Variants in SLC25A26 observed in about 807,000 individuals in gnomAD.
The protein encoded by SLC25A26 is solute carrier family 25 member 26, also known as mitochondrial S-adenosylmethionine carrier protein.
Under a neutral mutation model 37.8 loss-of-function variants are expected in SLC25A26, and 36 were observed. The observed-to-expected ratio is 0.95, with a 90% CI of 0.73 to 1.26. SLC25A26 has a LOEUF of 1.26. Among genes scored for constraint, SLC25A26 ranks in the 50% most tolerant of loss-of-function variants. The pLI, the probability that SLC25A26 is intolerant of heterozygous loss-of-function variation, is 0.00. For missense variants in SLC25A26, 390 were observed against 331.1 expected, an observed-to-expected ratio of 1.18 and a Z score of -1.38; for synonymous variants, 129 against 122.5, an observed-to-expected ratio of 1.05 and a Z score of -0.35.
rs74341206 is a variant in SLC25A26, at chr3:66,338,463, T to G, written c.454-7901T>G. The stretch of plus-strand genomic sequence containing the variant: ...TTGTTTGGTTTTCTCAGTCTTTTGA[T>G]TTCTGCCATTTTAGTGGATAACAGC... On this transcript the variant is annotated intron_variant, in intron 5 of 9. Transcript: ENST00000354883. 3.6e-3 allele frequency among the ~76,000 whole-genome samples: 553 copies of G among 152,094 alleles called. 3 individuals are homozygous for G. The highest frequency in any genetic ancestry group is 0.012 in the African/African-American group (505 of 41,550).
At chr3:66,358,852 A>G (rs1267025537) in intron 6 of SLC25A26, among the ~76,000 whole-genome samples, 1 of 152,230 alleles carries the variant, frequency 6.6e-6, no homozygotes, top group Admixed American at 6.5e-5. Flanking sequence ...AGAGAATTAC[A>G]TGAGCTGATG....
intron 1 of SLC25A26, among the ~76,000 whole-genome samples, chr3:66,195,334 C>T (rs2071027632): frequency 6.6e-6 from 1 of 152,232 alleles, no homozygotes; most frequent in Non-Finnish European, 1.5e-5. Flanking sequence ...CATGCACAGA[C>T]TATTCCAGGT....
At chr3:66,351,977 A>G (rs996139029) in intron 6 of SLC25A26, among the ~76,000 whole-genome samples, 1 of 152,116 alleles carries the variant, frequency 6.6e-6, no homozygotes. Context: ...GGTCAGGCAC[A>G]GTGGCTCATG....
chr3:66,352,726 A>G (rs1294832764), intron 6 of SLC25A26, among the ~76,000 whole-genome samples: 1 of 151,904 alleles, frequency 6.6e-6, no homozygotes, highest in East Asian at 1.9e-4. Context: ...GACTGACACA[A>G]CTGACCCCAT....
chr3:66,240,513 C>G (rs922164459), intron 2 of SLC25A26, among the ~76,000 whole-genome samples: 2 of 152,050 alleles, frequency 1.3e-5, no homozygotes, highest in African/African-American at 4.8e-5. Flanking sequence ...GTCTTGAACT[C>G]CTGAGCTTAA....
intron 5 of SLC25A26, among the ~76,000 whole-genome samples, chr3:66,288,921 G>T (rs2074608032): frequency 6.6e-6 from 1 of 152,094 alleles, no homozygotes; most frequent in South Asian, 2.1e-4. Flanking sequence ...CACAATGGTT[G>T]AACTAATTTA....
chr3:66,347,867 A>T (rs2076361981), intron 6 of SLC25A26, among the ~76,000 whole-genome samples: 1 of 152,188 alleles, frequency 6.6e-6, no homozygotes, highest in South Asian at 2.1e-4. Flanking sequence ...CAGCAAACTA[A>T]TGCAGGAACA....
chr3:66,259,891 C>T (rs2073454031), intron 3 of SLC25A26, among the ~76,000 whole-genome samples: 1 of 152,192 alleles, frequency 6.6e-6, no homozygotes, highest in East Asian at 1.9e-4. Context: ...TCCAGTCTTA[C>T]TTGTCATTAC....
intron 1 of SLC25A26, among the ~76,000 whole-genome samples, chr3:66,228,070 CGT>C (rs2106932784): frequency 6.6e-6 from 1 of 152,236 alleles, no homozygotes; most frequent in Non-Finnish European, 1.5e-5. Context: ...TTGGCATTTA[CGT>C]CAGAGTGAGC....
At chr3:66,217,973 C>G (rs2071386540), upstream of SLC25A26, among the ~76,000 whole-genome samples, 1 of 152,234 alleles carries the variant, frequency 6.6e-6, no homozygotes. Flanking sequence ...TCATTGCAAA[C>G]TATTGTTTTG....
At chr3:66,352,434 TGTTTTTTG>T (rs1360958861) in intron 6 of SLC25A26, among the ~76,000 whole-genome samples, 7 of 135,702 alleles carry the variant, frequency 5.2e-5, no homozygotes, top group African/African-American at 8.5e-5. Flanking sequence ...TTTTGTTTTT[TGTTTTTTG>T]TTTTTTTTTT....
chr3:66,163,074 G>A (rs1184583645), intron 1 of SLC25A26, among the ~76,000 whole-genome samples: 2 of 152,184 alleles, frequency 1.3e-5, no homozygotes, highest in Non-Finnish European at 2.9e-5. Flanking sequence ...AAGCCCTGCA[G>A]TGCATATTTC....
At chr3:66,253,611 C>T (rs1228530783) in intron 3 of SLC25A26, among the ~76,000 whole-genome samples, 1 of 152,020 alleles carries the variant, frequency 6.6e-6, no homozygotes, top group African/African-American at 2.4e-5. Context: ...TTGCAGCTTC[C>T]AGAAGGCATA....
intron 3 of SLC25A26, among the ~76,000 whole-genome samples, chr3:66,252,497 C>T (rs966250434): frequency 2.0e-5 from 3 of 152,142 alleles, no homozygotes; most frequent in African/African-American, 7.2e-5. Context: ...ACTTATTTGT[C>T]TGTAGGCCAT....
chr3:66,275,669 A>T lies in SLC25A26; in HGVS notation c.453+12290A>T, dbSNP rs543684531. Among the ~76,000 whole-genome samples, 448 of 152,198 alleles carry T rather than the reference A, an allele frequency of 2.9e-3. 4 individuals are homozygous for T. The highest frequency in any genetic ancestry group is 0.01 in the African/African-American group (431 of 41,556). On this transcript the variant is annotated intron_variant, in intron 5 of 9. Coordinates refer to ENST00000354883, the MANE Select transcript of SLC25A26 (RefSeq NM_001379210.1). ...TTCTCACTAAATTCCTAGGCAAGCT[A>T]ATGGTTTTCTGCCAGATAAACTGTC...
chr3:66,341,490 T>C (rs549431266), intron 5 of SLC25A26, among the ~76,000 whole-genome samples: 3 of 152,292 alleles, frequency 2.0e-5, no homozygotes, highest in African/African-American at 7.2e-5. Context: ...TTCTGTAGAA[T>C]GTGGAAAAAG....
At chr3:66,325,676 T>C (rs894490381) in intron 5 of SLC25A26, among the ~76,000 whole-genome samples, 6 of 152,096 alleles carry the variant, frequency 3.9e-5, no homozygotes, top group Non-Finnish European at 5.9e-5. Context: ...AGGAATCATA[T>C]GTAAGAAGGC....
At chr3:66,287,437 A>C (rs1025246671) in intron 5 of SLC25A26, among the ~76,000 whole-genome samples, 3 of 151,992 alleles carry the variant, frequency 2.0e-5, no homozygotes, top group Middle Eastern at 3.4e-3. Flanking sequence ...GGTATCTTTC[A>C]CTTTTTTTCT....
intron 5 of SLC25A26, among the ~76,000 whole-genome samples, chr3:66,292,594 A>G (rs1244481019): frequency 6.6e-6 from 1 of 152,118 alleles, no homozygotes; most frequent in African/African-American, 2.4e-5. Flanking sequence ...TGGGTTGAAA[A>G]TTCTTTTAAG....
Sources: allele counts gnomAD v4.1 joint callset (sites outside exome capture counted in the v4.1 genomes callset), GRCh38; gene constraint gnomAD v4.1.1; transcripts MANE v1.5; gene names NCBI Gene and HGNC (gene_info 2026-07-23, HGNC 2026-07-21).